The following PTBP3 variants were observed in gnomAD, a reference collection of about 807,000 sequenced individuals.
The protein encoded by PTBP3 is polypyrimidine tract-binding protein 3.
A neutral mutation model predicts 58.7 loss-of-function variants in PTBP3; 20 were observed. The observed-to-expected ratio is 0.34, with a 90% CI of 0.24 to 0.50. The LOEUF is 0.50. PTBP3 is among the 20% of genes least tolerant of loss of function. The probability of loss-of-function intolerance (pLI) is 0.98; values close to 1 mark genes in which losing one functional copy is unlikely to be tolerated. For synonymous variants in PTBP3, 185 were observed against 219.8 expected (o/e 0.84, Z 1.40); for missense variants, 509 against 637.2 (o/e 0.80, Z 2.17).
intron 2 of PTBP3, among the ~76,000 whole-genome samples, chr9:112,286,742 T>C (rs1208368337): frequency 6.6e-6 from 1 of 152,224 alleles, no homozygotes; most frequent in Non-Finnish European, 1.5e-5. Flanking sequence ...TGTATAAAAC[T>C]CAAGTTTCTA....
intron 3 of PTBP3, among the ~76,000 whole-genome samples, chr9:112,274,167 T>A (rs1017425205): frequency 3.3e-5 from 5 of 152,230 alleles, no homozygotes; most frequent in Admixed American, 6.5e-5. Context: ...TATTAAGGCA[T>A]GTTACTTAAC....
At chr9:112,305,671 T>C (rs1318853892) in intron 1 of PTBP3, among the ~76,000 whole-genome samples, 1 of 152,150 alleles carries the variant, frequency 6.6e-6, no homozygotes, top group East Asian at 1.9e-4. Flanking sequence ...CCGGGCACGG[T>C]GGCTCACGCC....
chr9:112,298,633 G>T, intron 1 of PTBP3: 1 of 446,454 alleles, frequency 2.2e-6, no homozygotes, highest in Admixed American at 2.7e-5. Flanking sequence ...GGTTTACCTT[G>T]GCCAATTTTT....
At chr9:112,358,098 G>A in the PTBP3 span, among the ~76,000 whole-genome samples, 3 of 152,138 alleles carry the variant, frequency 2.0e-5, no homozygotes, top group East Asian at 1.9e-4. Flanking sequence ...ATCTGAGGTC[G>A]GGAGTTCAAG....
At chr9:112,375,647 G>C in the PTBP3 span, among the ~76,000 whole-genome samples, 1,878 of 152,222 alleles carry the variant, frequency 0.012, 48 homozygotes, top group African/African-American at 0.043. Flanking sequence ...ATGAGCATTT[G>C]AGCCACTTCC....
At position 112,294,179 on chromosome 9, in the gene PTBP3, T is replaced by C. The variant is rs149681174; in HGVS notation, c.34+3653A>G. Among the ~76,000 whole-genome samples, 787 of 151,864 alleles carry C rather than the reference T, an allele frequency of 5.2e-3. 5 individuals carry two copies. Among genetic ancestry groups the C allele is most frequent in the African/African-American group, 8.3e-3 (344 of 41,398 alleles). On this transcript the variant is annotated intron_variant, in intron 2 of 13. Transcript: ENST00000374257. ...CATTGATAATAAAAACTAAGTAAAA[T>C]AGAAAAGGAAGGAACCGATTAAAGT... is the stretch of plus-strand genomic sequence containing the variant.
At chr9:112,379,737 T>C in the PTBP3 span, among the ~76,000 whole-genome samples, 1 of 152,134 alleles carries the variant, frequency 6.6e-6, no homozygotes, top group Non-Finnish European at 1.5e-5. Flanking sequence ...AGCTCAGGGC[T>C]CAGTCACCCT....
At chr9:112,338,394 G>C (rs1270502683), upstream of PTBP3, among the ~76,000 whole-genome samples, 1 of 152,186 alleles carries the variant, frequency 6.6e-6, no homozygotes, top group Non-Finnish European at 1.5e-5. Context: ...GTGTAATACA[G>C]TTACTAAGAT....
intron 10 of PTBP3, among the ~76,000 whole-genome samples, chr9:112,231,083 G>GCCCT: frequency 6.7e-6 from 1 of 149,938 alleles, no homozygotes; most frequent in East Asian, 1.9e-4. Flanking sequence ...TGAAGACATT[G>GCCCT]CCCTCCCTTT....
rs896896214 is a variant in PTBP3, at chr9:112,222,255, A to G, written c.*1596T>C. ...GAAATAATAGCAAAGTTTCTTATTA[A>G]AAAGAAACAATTTTACATTATACAA... On this transcript the variant is annotated 3_prime_UTR_variant, in exon 14 of 14. Transcript: ENST00000374257. 2.1e-6 allele frequency: 2 copies of G among 974,880 alleles called. No individual in the cohort carries two copies. Among genetic ancestry groups the G allele is most frequent in the Non-Finnish European group, 2.4e-6 (2 of 820,028 alleles). The allele number at this position is 974,880 out of a possible 1,614,324, so 60.4% of individuals were successfully genotyped here. A position where few individuals can be genotyped will look rare whatever the true frequency, so the allele number is the denominator to read the frequency against.
chr9:112,330,706 T>C (rs1407181193), intron 1 of PTBP3, among the ~76,000 whole-genome samples: 1 of 152,218 alleles, frequency 6.6e-6, no homozygotes, highest in Non-Finnish European at 1.5e-5. Context: ...TCCTGTTATC[T>C]TTTAGTATTT....
In PTBP3 at chr9:112,218,801, C is replaced by G. The variant is rs1427274566; in HGVS notation, c.*5050G>C. Reference sequence around the variant, plus strand: ...TATAAGTTCATTTGTTCCCAAAAACCTTTTTTTCTTTTTTGGCCTTGTTAA... The same window carrying G: ...TATAAGTTCATTTGTTCCCAAAAACGTTTTTTTCTTTTTTGGCCTTGTTAA... On this transcript the variant is annotated 3_prime_UTR_variant, in exon 14 of 14. Transcript: ENST00000374257. 1 of 152,390 alleles carries G rather than the reference C, an allele frequency of 6.6e-6. No homozygotes were observed. Among genetic ancestry groups the G allele is most frequent in the Admixed American group, 6.6e-5 (1 of 15,256 alleles). 9.4% of individuals were successfully genotyped at this position (152,390 alleles called of 1,614,324 possible).
At position 112,246,227 on chromosome 9, in the gene PTBP3, C is replaced by T. The variant is rs145746580; in HGVS notation, c.802+4702G>A. ...TGAACTCCCGACCTCAATTGATCCA[C>T]CCGCCTCGGCCTCCCAAAGTGCAGA... On this transcript the variant is annotated intron_variant, in intron 7 of 13. Transcript: ENST00000374257. 7.6e-3 allele frequency among the ~76,000 whole-genome samples: 1,160 copies of T among 151,954 alleles called. 21 individuals are homozygous for T. Among genetic ancestry groups the T allele is most frequent in the African/African-American group, 0.027 (1,105 of 41,462 alleles).
intron 2 of PTBP3, among the ~76,000 whole-genome samples, chr9:112,288,358 T>C (rs1328835150): frequency 3.2e-4 from 48 of 152,172 alleles, no homozygotes; most frequent in Admixed American, 2.8e-3. Context: ...TTAATAATAT[T>C]CAAACAACAG....
Position 112,220,280 on chromosome 9 carries a change from A to G in PTBP3, c.*3571T>C. On this transcript the variant is annotated 3_prime_UTR_variant, in exon 14 of 14. Coordinates refer to ENST00000374257, the MANE Select transcript of PTBP3 (RefSeq NM_001163788.4). ...ATGGCACGGAGACACTGAAAAGAAC[A>G]GAGAGCCAGGCGTGGTGGCTCATGC... 4.5e-6 allele frequency: 6 copies of G among 1,329,488 alleles called. No homozygotes were observed. Among genetic ancestry groups the G allele is most frequent in the Non-Finnish European group, 5.9e-6 (6 of 1,010,792 alleles). The allele number at this position is 1,329,488 out of a possible 1,614,324, so 82.4% of individuals were successfully genotyped here.
chr9:112,349,241 G>T, the PTBP3 span, among the ~76,000 whole-genome samples: 4 of 152,134 alleles, frequency 2.6e-5, no homozygotes, highest in Admixed American at 2.6e-4. Flanking sequence ...CTAGACATAT[G>T]GAGGCGCTGG....
chr9:112,372,221 C>T, the PTBP3 span, among the ~76,000 whole-genome samples: 1 of 152,190 alleles, frequency 6.6e-6, no homozygotes, highest in East Asian at 1.9e-4. Flanking sequence ...GAACTACAGG[C>T]ACATGTCACC....
intron 10 of PTBP3, among the ~76,000 whole-genome samples, chr9:112,229,900 G>GAA (rs1447472704): frequency 6.6e-6 from 1 of 152,112 alleles, no homozygotes; most frequent in African/African-American, 2.4e-5. Context: ...CTTTTGGTAT[G>GAA]AAACATGCTT....
At chr9:112,251,211 G>A in intron 6 of PTBP3, 108 bp from the exon 7 acceptor site, 2 of 880,550 alleles carry the variant, frequency 2.3e-6, no homozygotes, top group Admixed American at 3.2e-5. Context: ...AGAAAGCACT[G>A]ACTAAAAAGC....
Sources: gnomAD v4.1 joint callset for allele counts (sites outside exome capture counted in the v4.1 genomes callset) on GRCh38, gnomAD v4.1.1 for gene constraint, MANE v1.5 for transcripts, NCBI Gene and HGNC (gene_info 2026-07-23, HGNC 2026-07-21) for gene names.